TRIM55: variants seen among roughly 807,000 people sequenced by gnomAD.
TRIM55 encodes the protein tripartite motif containing 55.
In TRIM55, 50 loss-of-function variants were observed where a neutral mutation model predicts 60.9. The ratio of observed to expected loss-of-function variants is 0.82; its 90% CI spans 0.65 to 1.04. The LOEUF (loss-of-function observed/expected upper bound fraction) is 1.04. TRIM55 is among the 50% of genes least tolerant of loss of function. The pLI is 0.00. For synonymous variants in TRIM55, 237 were observed against 238.1 expected, an observed-to-expected ratio of 1.00 and a Z score of 0.04; for missense variants, 681 against 666.9, an observed-to-expected ratio of 1.02 and a Z score of -0.23.
chr8:66,157,997 C>G (rs1810839542), intron 9 of TRIM55, among the ~76,000 whole-genome samples: 1 of 152,134 alleles, frequency 6.6e-6, no homozygotes, highest in South Asian at 2.1e-4. Flanking sequence ...TTGGATTCAG[C>G]CTTGTGGTGA....
chr8:66,150,457 T>C lies in TRIM55; in HGVS notation c.976T>C (p.Phe326Leu), dbSNP rs182072523. The C allele has an allele frequency of 8.1e-6, 13 of 1,614,108 alleles. No individual in the cohort carries two copies. In the Admixed American group the frequency reaches 2.0e-4, roughly 25 times the overall value. Residue 326 changes from phenylalanine (F) to leucine (L), a missense_variant, in exon 7 of 10, where the codon TTT becomes CTT. Coordinates refer to ENST00000315962, the MANE Select transcript of TRIM55 (RefSeq NM_184085.2). ...REEKIIREID[F>L]YREDEDEEEE... ...AGAAAAGATAATACGTGAAATTGAC[T>C]TTTACAGAGGTTTGTTATTCTTTTG...
chr8:66,136,833 A>G (rs148409838), intron 3 of TRIM55, among the ~76,000 whole-genome samples: 5 of 152,318 alleles, frequency 3.3e-5, no homozygotes, highest in African/African-American at 9.6e-5. Context: ...GCTATTTATA[A>G]ACAATACTTA....
chr8:66,115,739 T>G, the TRIM55 span, among the ~76,000 whole-genome samples: 22 of 152,226 alleles, frequency 1.4e-4, no homozygotes, highest in Non-Finnish European at 2.4e-4. Flanking sequence ...CTTTGCTACT[T>G]GTAGCTGCAT....
chr8:66,162,232 A>T (rs563887489), intron 9 of TRIM55, among the ~76,000 whole-genome samples: 2 of 152,166 alleles, frequency 1.3e-5, no homozygotes, highest in East Asian at 3.9e-4. Context: ...TCATAAAGGG[A>T]TGCTGGATTT....
intron 7 of TRIM55, among the ~76,000 whole-genome samples, chr8:66,150,721 C>T (rs969788572): frequency 6.6e-6 from 1 of 151,770 alleles, no homozygotes; most frequent in African/African-American, 2.4e-5. Flanking sequence ...GCCTAGAGTG[C>T]AATGGCACGA....
chr8:66,125,098 A>T (rs766073438), upstream of TRIM55, among the ~76,000 whole-genome samples: 1 of 152,040 alleles, frequency 6.6e-6, no homozygotes, highest in Non-Finnish European at 1.5e-5. Context: ...CACAACTGAA[A>T]TTTTTTTTCT....
chr8:66,137,144 T>G lies in TRIM55; in HGVS notation c.557T>G (p.Val186Gly). The change falls in exon 4 of 10, where the codon GTC becomes GGC. Residue 186 changes from valine to glycine, a missense_variant. Coordinates refer to ENST00000315962, the MANE Select transcript of TRIM55 (RefSeq NM_184085.2). ...ATCCTCGTGGGCAGCAACGATCGAG[T>G]CCAGGGAGTGATCAGCCAGCTGGAA... ...IAILVGSNDR[V>G]QGVISQLEDT... 1 of 1,614,116 alleles carries G rather than the reference T, an allele frequency of 6.2e-7. No homozygotes were observed. The highest frequency in any genetic ancestry group is 8.5e-7 in the Non-Finnish European group (1 of 1,180,016).
upstream of TRIM55, among the ~76,000 whole-genome samples, chr8:66,125,047 CAA>C (rs763971745): frequency 1.3e-5 from 2 of 152,226 alleles, no homozygotes; most frequent in Non-Finnish European, 2.9e-5. Flanking sequence ...AAAGGCTGAT[CAA>C]AGACTCAGAA....
intron 9 of TRIM55, among the ~76,000 whole-genome samples, chr8:66,166,663 A>T (rs964895293): frequency 7.9e-5 from 12 of 152,214 alleles, no homozygotes; most frequent in Non-Finnish European, 1.5e-5. Flanking sequence ...ACAACAGCCC[A>T]CTAGAGTAGG....
chr8:66,143,179 G>A lies in TRIM55; in HGVS notation c.603+5989G>A, dbSNP rs117494940. 2.9e-3 allele frequency among the ~76,000 whole-genome samples: 440 copies of A among 152,304 alleles called. 1 individual carries two copies. The highest frequency in any genetic ancestry group is 5.1e-3 in the Non-Finnish European group (344 of 68,022). On this transcript the variant is annotated intron_variant, in intron 4 of 9. Transcript: ENST00000315962. ...GCTCAGTGACAAGTGGTGGGTCTAA[G>A]AGCTTATCTTCAGCTCTATTTTGGT...
chr8:66,133,260 G>A (rs1809272696), intron 2 of TRIM55, among the ~76,000 whole-genome samples: 1 of 152,168 alleles, frequency 6.6e-6, no homozygotes, highest in South Asian at 2.1e-4. Context: ...CAGCTGGGTG[G>A]TGTTACACTA....
At chr8:66,164,734 A>G (rs974070515) in intron 9 of TRIM55, among the ~76,000 whole-genome samples, 1 of 152,224 alleles carries the variant, frequency 6.6e-6, no homozygotes, top group African/African-American at 2.4e-5. Flanking sequence ...CCAATAGCCT[A>G]CTATAGGCAG....
At chr8:66,118,575 C>T in the TRIM55 span, among the ~76,000 whole-genome samples, 1 of 152,064 alleles carries the variant, frequency 6.6e-6, no homozygotes, top group African/African-American at 2.4e-5. Context: ...AAAGGGATGG[C>T]AAGAATCTTT....
intron 7 of TRIM55, 110 bp downstream of exon 7, chr8:66,150,576 A>C (rs1247935247): frequency 8.1e-7 from 1 of 1,240,920 alleles, no homozygotes; most frequent in Non-Finnish European, 1.1e-6. Context: ...ATCAATGTCG[A>C]CAACTTTACA....
intron 4 of TRIM55, among the ~76,000 whole-genome samples, chr8:66,146,538 T>A (rs1473490962): frequency 6.6e-6 from 1 of 152,222 alleles, no homozygotes; most frequent in Admixed American, 6.5e-5. Context: ...AATCAAAGAC[T>A]TTCTACCTGT....
At chr8:66,165,321 A>C (rs1054098415) in intron 9 of TRIM55, among the ~76,000 whole-genome samples, 1 of 151,712 alleles carries the variant, frequency 6.6e-6, no homozygotes, top group Non-Finnish European at 1.5e-5. Context: ...GCAAACGTCC[A>C]CTCCAGCTGC....
Sources: allele counts gnomAD v4.1 joint callset (sites outside exome capture counted in the v4.1 genomes callset), GRCh38; gene constraint gnomAD v4.1.1; transcripts MANE v1.5; gene names NCBI Gene and HGNC (gene_info 2026-07-23, HGNC 2026-07-21).